WDR72: variants seen among roughly 807,000 people sequenced by gnomAD.
The protein encoded by WDR72 is WD repeat domain 72, also known as WD repeat-containing protein 72.
In WDR72, 120 loss-of-function variants were observed where a neutral mutation model predicts 124.2. The ratio of observed to expected loss-of-function variants is 0.97; its 90% CI spans 0.83 to 1.12. The LOEUF is 1.12. WDR72 is among the 50% of genes most tolerant of loss of function. WDR72 has a pLI of 0.00. For missense variants in WDR72, 1,387 were observed against 1,278.8 expected, an observed-to-expected ratio of 1.08 and a Z score of -1.29; for synonymous variants, 452 against 441.7, an observed-to-expected ratio of 1.02 and a Z score of -0.29.
intron 18 of WDR72, among the ~76,000 whole-genome samples, chr15:53,525,882 A>G (rs745736550): frequency 6.6e-6 from 1 of 152,116 alleles, no homozygotes; most frequent in Admixed American, 6.6e-5. Flanking sequence ...AATTAAATTT[A>G]CTGTAGAAGA....
chr15:53,643,959 T>A (rs1173563972), intron 14 of WDR72, among the ~76,000 whole-genome samples: 1 of 152,186 alleles, frequency 6.6e-6, no homozygotes, highest in Non-Finnish European at 1.5e-5. Context: ...ACATACTTTT[T>A]ATACACTGAG....
intron 2 of WDR72, among the ~76,000 whole-genome samples, chr15:53,723,193 T>C (rs2017927234): frequency 6.6e-6 from 1 of 151,296 alleles, no homozygotes; most frequent in African/African-American, 2.5e-5. Context: ...TACAAATAAG[T>C]CTGTGTTGAT....
chr15:53,661,679 A>T (rs2015614570), intron 14 of WDR72, among the ~76,000 whole-genome samples: 1 of 152,200 alleles, frequency 6.6e-6, no homozygotes, highest in Non-Finnish European at 1.5e-5. Flanking sequence ...TGCCTAGTAG[A>T]TACATTAAAA....
At chr15:53,663,091 A>AAAATAAAT (rs200989036) in intron 14 of WDR72, among the ~76,000 whole-genome samples, 12,384 of 147,920 alleles carry the variant, frequency 0.084, 836 homozygotes, top group African/African-American at 0.19. Context: ...CCTGCCTCTA[A>AAAATAAAT]AAATAAATAA....
At chr15:53,748,426 A>T (rs2018695360) in intron 1 of WDR72, among the ~76,000 whole-genome samples, 1 of 152,176 alleles carries the variant, frequency 6.6e-6, no homozygotes, top group Admixed American at 6.5e-5. Context: ...TGTCCATAAA[A>T]TCATGAGGTT....
intron 13 of WDR72, among the ~76,000 whole-genome samples, chr15:53,683,126 C>G (rs1490781339): frequency 6.6e-6 from 1 of 152,064 alleles, no homozygotes; most frequent in East Asian, 1.9e-4. Flanking sequence ...GAAATTGCCC[C>G]CATGATCCAA....
intron 15 of WDR72, 69 bp downstream of exon 15, chr15:53,615,357 A>G: frequency 7.8e-7 from 1 of 1,275,194 alleles, no homozygotes; most frequent in East Asian, 2.5e-5. Context: ...AGAGCTAAAT[A>G]TAGCAAATAA....
At chr15:53,584,324 T>C (rs577982311) in intron 18 of WDR72, among the ~76,000 whole-genome samples, 120 of 151,952 alleles carry the variant, frequency 7.9e-4, no homozygotes, top group Non-Finnish European at 1.4e-3. Context: ...TCAGAAGGTG[T>C]TACTAATGAG....
intron 14 of WDR72, 75 bp downstream of exon 14, chr15:53,665,497 T>G: frequency 6.6e-7 from 1 of 1,510,902 alleles, no homozygotes; most frequent in African/African-American, 1.4e-5. Flanking sequence ...TTAAGTGCCA[T>G]GTATTTATGA....
In WDR72 at chr15:53,712,065, G is replaced by A. The variant is rs566808867; in HGVS notation, c.712-584C>T. ...CAAATGTAGTGACAAAGTAGAAAAA[G>A]TAAAACATCTAAAAATATAATCAAA... On this transcript the variant is annotated intron_variant, in intron 7 of 19. Transcript: ENST00000360509. 7.2e-5 allele frequency among the ~76,000 whole-genome samples: 11 copies of A among 152,230 alleles called. No homozygotes were observed. The East Asian group carries it at 1.9e-3, about 27-fold the overall frequency.
chr15:53,630,202 T>C (rs2014371779), intron 14 of WDR72, among the ~76,000 whole-genome samples: 1 of 152,082 alleles, frequency 6.6e-6, no homozygotes, highest in African/African-American at 2.4e-5. Context: ...AGTAAAGAAA[T>C]TGAATTAGTA....
At chr15:53,672,883 A>C (rs1181351149) in intron 13 of WDR72, among the ~76,000 whole-genome samples, 1 of 152,188 alleles carries the variant, frequency 6.6e-6, no homozygotes, top group Non-Finnish European at 1.5e-5. Flanking sequence ...TAATCCCAGC[A>C]CTTTGGGAGA....
At chr15:53,536,421 T>C (rs369517371) in intron 18 of WDR72, among the ~76,000 whole-genome samples, 20 of 152,070 alleles carry the variant, frequency 1.3e-4, no homozygotes, top group African/African-American at 4.6e-4. Flanking sequence ...CTTCAACTTA[T>C]TTTTTTTACT....
intron 13 of WDR72, among the ~76,000 whole-genome samples, chr15:53,674,409 C>A (rs796113357): frequency 6.6e-6 from 1 of 152,116 alleles, no homozygotes; most frequent in South Asian, 2.1e-4. Context: ...TGCTCAGAAA[C>A]ACATATGGAG....
At chr15:53,726,258 A>ATGTGTG (rs779537392) in intron 2 of WDR72, among the ~76,000 whole-genome samples, 1,510 of 69,704 alleles carry the variant, frequency 0.022, 29 homozygotes, top group African/African-American at 0.05. Flanking sequence ...ATATATATGT[A>ATGTGTG]TGTGTGTATA....
intron 18 of WDR72, among the ~76,000 whole-genome samples, chr15:53,565,760 G>A (rs1894272058): frequency 1.3e-5 from 1 of 77,534 alleles, no homozygotes; most frequent in Non-Finnish European, 3.2e-5. Context: ...GTGCACATAC[G>A]TTGAATTAAA....
chr15:53,629,375 G>A (rs2014335738), intron 14 of WDR72, among the ~76,000 whole-genome samples: 1 of 151,662 alleles, frequency 6.6e-6, no homozygotes, highest in Non-Finnish European at 1.5e-5. Flanking sequence ...ATTAACTCCA[G>A]ATAAAATCAG....
chr15:53,755,935 C>A (rs2018891477), intron 1 of WDR72, among the ~76,000 whole-genome samples: 1 of 152,210 alleles, frequency 6.6e-6, no homozygotes. Context: ...CTCACTCCCC[C>A]ATTCTGAAAT....
intron 13 of WDR72, among the ~76,000 whole-genome samples, chr15:53,686,448 T>A (rs929354927): frequency 6.7e-6 from 1 of 148,982 alleles, no homozygotes; most frequent in African/African-American, 2.5e-5. Flanking sequence ...CCAACAAAGA[T>A]CAAAAGAGAC....
Sources: allele counts gnomAD v4.1 joint callset (sites outside exome capture counted in the v4.1 genomes callset), GRCh38; gene constraint gnomAD v4.1.1; transcripts MANE v1.5; gene names NCBI Gene and HGNC (gene_info 2026-07-23, HGNC 2026-07-21).